Variants in RTF2 observed in about 807,000 individuals in gnomAD.
RTF2 encodes UPF0549 protein C20orf43.
In RTF2, 18 loss-of-function variants were observed where a neutral mutation model predicts 38.0. That is an observed-to-expected ratio of 0.47 (90% CI 0.33 to 0.70). RTF2 has a LOEUF of 0.70. Ranked by LOEUF, RTF2 falls within the 30% of genes least tolerant of loss-of-function variation. RTF2 has a pLI of 0.02. For missense variants in RTF2, 311 were observed against 379.6 expected (o/e 0.82, Z 1.50); for synonymous variants, 126 against 137.1 (o/e 0.92, Z 0.57).
intron 6 of RTF2, 83 bp downstream of exon 6, chr20:56,513,511 C>T (rs1984830220): frequency 2.8e-5 from 43 of 1,520,840 alleles, no homozygotes; most frequent in Non-Finnish European, 3.8e-5. Flanking sequence ...CTGGCAGCTG[C>T]TTAGGGGTTT....
chr20:56,491,846 G>C (rs1389995852), intron 5 of RTF2: 6 of 1,264,538 alleles, frequency 4.7e-6, no homozygotes, highest in South Asian at 1.3e-5. Flanking sequence ...TTCACACACA[G>C]AAAGTGGCGC....
At chr20:56,503,276 A>C (rs1317431738) in intron 5 of RTF2, among the ~76,000 whole-genome samples, 1 of 152,254 alleles carries the variant, frequency 6.6e-6, no homozygotes, top group Admixed American at 6.5e-5. Context: ...CTGTCCAGTG[A>C]AATGGATGCC....
chr20:56,493,974 C>T (rs537018946), intron 5 of RTF2, among the ~76,000 whole-genome samples: 1 of 152,302 alleles, frequency 6.6e-6, no homozygotes, highest in Admixed American at 6.5e-5. Context: ...CCCAGCCCTG[C>T]CCCTCCTCCC....
At chr20:56,469,582 C>A (rs1273416904) in intron 1 of RTF2, among the ~76,000 whole-genome samples, 1 of 152,152 alleles carries the variant, frequency 6.6e-6, no homozygotes, top group Non-Finnish European at 1.5e-5. Context: ...TGTAAAGCAC[C>A]TAGTAGAGAC....
intron 1 of RTF2, 58 bp from the exon 2 acceptor site, chr20:56,473,243 T>C: frequency 8.1e-7 from 1 of 1,239,610 alleles, no homozygotes; most frequent in Non-Finnish European, 1.2e-6. Flanking sequence ...ATATGTAGAA[T>C]TGTGAACCAT....
chr20:56,485,968 T>C (rs1190679532), intron 5 of RTF2, among the ~76,000 whole-genome samples: 1 of 152,172 alleles, frequency 6.6e-6, no homozygotes, highest in Non-Finnish European at 1.5e-5. Flanking sequence ...AATGGCTTTA[T>C]AAAGGGAGGG....
chr20:56,495,458 A>G (rs1022274847), intron 5 of RTF2, among the ~76,000 whole-genome samples: 4 of 152,196 alleles, frequency 2.6e-5, no homozygotes, highest in Non-Finnish European at 5.9e-5. Context: ...CACTTGTAAC[A>G]TCGGATCAAA....
intron 5 of RTF2, among the ~76,000 whole-genome samples, chr20:56,487,733 C>CTAACGTTATAGT (rs1982871044): frequency 6.6e-6 from 1 of 152,326 alleles, no homozygotes; most frequent in African/African-American, 2.4e-5. Context: ...GTTCTGGAGA[C>CTAACGTTATAGT]TAACGTCCAA....
At chr20:56,495,342 C>CAGTTCTTT in intron 5 of RTF2, 1 of 1,412,726 alleles carries the variant, frequency 7.1e-7, no homozygotes, top group Non-Finnish European at 9.8e-7. Context: ...ATCTGCTTCC[C>CAGTTCTTT]AGTTCTTTTA....
chr20:56,517,240 G>A, intron 8 of RTF2, 39 bp downstream of exon 8: 6 of 1,559,936 alleles, frequency 3.8e-6, no homozygotes, highest in Non-Finnish European at 5.3e-6. Flanking sequence ...GTTTCGAGAA[G>A]GCTGGAAACC....
rs181830798 is a variant in RTF2, at chr20:56,480,809, C to T, written c.399-3302C>T. On this transcript the variant is annotated intron_variant, in intron 4 of 8. Coordinates refer to ENST00000357348, the MANE Select transcript of RTF2 (RefSeq NM_016407.5). The stretch of plus-strand genomic sequence containing the variant: ...GTTCATGGAGCAGTCAAAACACACA[C>T]ATTTATTAATTGAGTTTACCATCTT... 2.8e-3 allele frequency among the ~76,000 whole-genome samples: 429 copies of T among 152,290 alleles called. 3 individuals are homozygous for T. Among genetic ancestry groups the T allele is most frequent in the Non-Finnish European group, 4.2e-3 (284 of 68,022 alleles).
intron 5 of RTF2, among the ~76,000 whole-genome samples, chr20:56,508,615 T>A (rs1271996295): frequency 6.6e-6 from 1 of 152,216 alleles, no homozygotes; most frequent in East Asian, 1.9e-4. Flanking sequence ...AATATGTGAC[T>A]CTTTGAAGTC....
chr20:56,481,699 A>G (rs1032257200), intron 4 of RTF2, among the ~76,000 whole-genome samples: 1 of 152,160 alleles, frequency 6.6e-6, no homozygotes, highest in South Asian at 2.1e-4. Flanking sequence ...TTTAAAGTGT[A>G]TGTTTCAGTG....
intron 5 of RTF2, chr20:56,491,737 C>A (rs767712826): frequency 6.4e-7 from 1 of 1,551,998 alleles, no homozygotes. Context: ...GAATGAGCCA[C>A]GGCAGGTCTC....
intron 5 of RTF2, among the ~76,000 whole-genome samples, chr20:56,508,626 A>G (rs1223450017): frequency 6.6e-6 from 1 of 152,252 alleles, no homozygotes; most frequent in East Asian, 1.9e-4. Flanking sequence ...CTTTGAAGTC[A>G]TGTTACCTAC....
chr20:56,513,258 C>T (rs1984805395), intron 5 of RTF2, 57 bp from the exon 6 acceptor site: 4 of 1,547,640 alleles, frequency 2.6e-6, no homozygotes, highest in Admixed American at 2.0e-5. Context: ...GGGACTGAAG[C>T]GTGGCCTCCC....
At chr20:56,515,416 A>G (rs1984960754) in intron 6 of RTF2, among the ~76,000 whole-genome samples, 1 of 152,000 alleles carries the variant, frequency 6.6e-6, no homozygotes, top group Admixed American at 6.6e-5. Context: ...TACTAAAAAT[A>G]CAAAAATTAG....
chr20:56,472,218 C>A, intron 1 of RTF2: 2 of 707,918 alleles, frequency 2.8e-6, no homozygotes, highest in Non-Finnish European at 4.7e-6. Context: ...AAGACCCTGT[C>A]TCAAAAAATA....
chr20:56,506,257 AAC>A (rs1984262765), intron 5 of RTF2, among the ~76,000 whole-genome samples: 1 of 152,206 alleles, frequency 6.6e-6, no homozygotes, highest in Non-Finnish European at 1.5e-5. Context: ...TAGTGGAGGA[AAC>A]ACACTGTTTC....
Sources: allele counts gnomAD v4.1 joint callset (sites outside exome capture counted in the v4.1 genomes callset), GRCh38; gene constraint gnomAD v4.1.1; transcripts MANE v1.5; gene names NCBI Gene and HGNC (gene_info 2026-07-23, HGNC 2026-07-21).